The following KRABD5 variants were observed in gnomAD, a reference collection of about 807,000 sequenced individuals.
KRABD5 encodes the protein KRAB domain-containing protein 5.
At chr16:31,720,255 A>G in the KRABD5 span, among the ~76,000 whole-genome samples, 1 of 152,194 alleles carries the variant, frequency 6.6e-6, no homozygotes, top group Non-Finnish European at 1.5e-5. Flanking sequence ...ATTTTTCAGG[A>G]CAGTGGTTGG....
chr16:31,723,418 C>A, the KRABD5 span: 28 of 1,480,720 alleles, frequency 1.9e-5, no homozygotes, highest in Non-Finnish European at 2.5e-5. Flanking sequence ...AAGAACCAGA[C>A]CTTGAAGTGT....
the KRABD5 span, chr16:31,756,679 C>G: frequency 6.6e-6 from 1 of 152,074 alleles, no homozygotes; most frequent in Non-Finnish European, 1.5e-5. Flanking sequence ...TACTTAAATG[C>G]CATACTTTTA....
the KRABD5 span, chr16:31,756,527 A>G: frequency 3.9e-5 from 6 of 152,140 alleles, no homozygotes; most frequent in Admixed American, 1.3e-4. Flanking sequence ...AAGATTATAA[A>G]TATACTTTAT....
the KRABD5 span, among the ~76,000 whole-genome samples, chr16:31,722,348 T>G: frequency 6.6e-6 from 1 of 152,230 alleles, no homozygotes; most frequent in Admixed American, 6.5e-5. Flanking sequence ...ATTACAGGTA[T>G]GAGCTACCGC....
the KRABD5 span, among the ~76,000 whole-genome samples, chr16:31,729,789 T>A: frequency 6.6e-6 from 1 of 152,086 alleles, no homozygotes; most frequent in Non-Finnish European, 1.5e-5. Context: ...TACTTTCTTT[T>A]TTTCTTGTAT....
the KRABD5 span, chr16:31,755,313 GTGGCAAAGCCTTTAAT>G: frequency 2.0e-6 from 1 of 507,748 alleles, no homozygotes; most frequent in Non-Finnish European, 4.0e-6. Context: ...TGCAAAGAAT[GTGGCAAAGCCTTTAAT>G]TGTAGTTCAC....
chr16:31,714,356 A>T, the KRABD5 span: 1 of 456,220 alleles, frequency 2.2e-6, no homozygotes, highest in South Asian at 1.5e-5. Flanking sequence ...TATTTTCCTG[A>T]AACCTGTTAG....
At chr16:31,761,372 T>C in the KRABD5 span, 6 of 152,276 alleles carry the variant, frequency 3.9e-5, no homozygotes, top group Non-Finnish European at 7.4e-5. Context: ...TTATTTCTAC[T>C]GTATTTTGCT....
the KRABD5 span, chr16:31,755,249 T>A: frequency 2.1e-6 from 1 of 485,658 alleles, no homozygotes; most frequent in Non-Finnish European, 4.2e-6. Context: ...TTTTTCTCGT[T>A]CCTCAAGTCT....
the KRABD5 span, chr16:31,759,596 G>A: frequency 2.1e-4 from 121 of 571,276 alleles, 1 homozygote; most frequent in Non-Finnish European, 3.6e-4. Flanking sequence ...AAGGGTTGAA[G>A]TATAGATGAA....
At chr16:31,714,472 G>A in the KRABD5 span, 2 of 454,396 alleles carry the variant, frequency 4.4e-6, no homozygotes, top group Middle Eastern at 6.6e-4. Context: ...GTGGAGGAAG[G>A]TCTGACGTTT....
At chr16:31,731,195 C>T in the KRABD5 span, among the ~76,000 whole-genome samples, 1 of 152,158 alleles carries the variant, frequency 6.6e-6, no homozygotes, top group Admixed American at 6.5e-5. Flanking sequence ...GAAATAAATA[C>T]TTTCTTCTTT....
the KRABD5 span, among the ~76,000 whole-genome samples, chr16:31,747,243 T>C: frequency 6.6e-6 from 1 of 150,684 alleles, no homozygotes; most frequent in Admixed American, 6.6e-5. Flanking sequence ...ATGTGGTGTT[T>C]GGTTTTTTGT....
At chr16:31,742,293 C>A in the KRABD5 span, among the ~76,000 whole-genome samples, 3 of 151,622 alleles carry the variant, frequency 2.0e-5, no homozygotes, top group African/African-American at 7.3e-5. Context: ...GACCCATTGT[C>A]TATGTTCCTT....
At chr16:31,745,156 T>A in the KRABD5 span, among the ~76,000 whole-genome samples, 1 of 152,214 alleles carries the variant, frequency 6.6e-6, no homozygotes. Context: ...TCTTGTCTTC[T>A]GCTAACTCTT....
the KRABD5 span, among the ~76,000 whole-genome samples, chr16:31,753,115 A>G: frequency 1.3e-5 from 2 of 152,176 alleles, no homozygotes; most frequent in Non-Finnish European, 2.9e-5. Context: ...ACTGATACCC[A>G]TCAGGTACTC....
the KRABD5 span, among the ~76,000 whole-genome samples, chr16:31,742,300 C>T: frequency 1.3e-5 from 2 of 151,808 alleles, no homozygotes; most frequent in East Asian, 3.9e-4. Flanking sequence ...TGTCTATGTT[C>T]CTTCCCCTCA....
the KRABD5 span, among the ~76,000 whole-genome samples, chr16:31,735,083 TC>T: frequency 5.3e-5 from 8 of 150,888 alleles, no homozygotes; most frequent in South Asian, 1.0e-3. Context: ...TTTTCTTTTC[TC>T]TTTTCTTTTC....
the KRABD5 span, among the ~76,000 whole-genome samples, chr16:31,729,292 A>G: frequency 5.3e-5 from 8 of 152,236 alleles, no homozygotes; most frequent in African/African-American, 1.9e-4. Context: ...AGGGTATTTT[A>G]TAATGAAATG....
Sources: allele counts gnomAD v4.1 joint callset (sites outside exome capture counted in the v4.1 genomes callset), GRCh38; gene constraint gnomAD v4.1.1; transcripts MANE v1.5; gene names NCBI Gene and HGNC (gene_info 2026-07-23, HGNC 2026-07-21).